Variants in AKAP11 observed in about 807,000 individuals in gnomAD.
AKAP11 encodes A-kinase anchoring protein 11, also known as A-kinase anchor protein 11.
Under a neutral mutation model 146.1 loss-of-function variants are expected in AKAP11, and 36 were observed. The ratio of observed to expected loss-of-function variants is 0.25; its 90% CI spans 0.19 to 0.33. The LOEUF (loss-of-function observed/expected upper bound fraction) is 0.33, where lower values mean the gene tolerates loss of function less well. AKAP11 is among the 10% of genes least tolerant of loss of function. The pLI, the probability that AKAP11 is intolerant of heterozygous loss-of-function variation, is 1.00. For synonymous variants in AKAP11, 780 were observed against 786.5 expected (o/e 0.99, Z 0.14); for missense variants, 2,201 against 2,197.0 (o/e 1.00, Z -0.04).
intron 1 of AKAP11, 100 bp downstream of exon 1, chr13:42,272,328 C>T (rs896766558): frequency 5.9e-5 from 9 of 152,236 alleles, no homozygotes; most frequent in African/African-American, 2.2e-4. Context: ...CTCCGGCGCT[C>T]CAGCCCCTCC....
Position 42,323,160 on chromosome 13 carries a change from T to TTGCAATTATTTGCAATTAATTGCAATTA in AKAP11, c.*3933_*3934insGCAATTATTTGCAATTAATTGCAATTAT, listed in dbSNP as rs577520981. The TTGCAATTATTTGCAATTAATTGCAATTA allele has an allele frequency of 5.2e-5, 8 of 152,920 alleles. No individual in the cohort carries two copies. The South Asian group carries it at 1.7e-3, about 32-fold the overall frequency. 9.5% of individuals were successfully genotyped at this position (152,920 alleles called of 1,614,324 possible). A position where few individuals can be genotyped will look rare whatever the true frequency, so the allele number is the denominator to read the frequency against. ...TGGCTCAAAAAATTTCAGAAATTAC[T>TTGCAATTATTTGCAATTAATTGCAATTA]TTTGTAATTATTTGCAATTAATTGT... On this transcript the variant is annotated 3_prime_UTR_variant, in exon 13 of 13. Coordinates refer to ENST00000025301, the MANE Select transcript of AKAP11 (RefSeq NM_016248.4).
Position 42,300,389 on chromosome 13 carries a change from A to T in AKAP11, c.1643A>T (p.Asp548Val), listed in dbSNP as rs745599656. 10 of 1,610,956 alleles carry T rather than the reference A, an allele frequency of 6.2e-6. No individual in the cohort carries two copies. In the Admixed American group the frequency reaches 1.3e-4, roughly 22 times the overall value. ...KSKNKSLMIK[D>V]SIQKFAADLV... ...AAAAATAAATCCTTAATGATTAAAG[A>T]TAGCATTCAAAAATTTGCAGCAGAT... is the stretch of plus-strand genomic sequence containing the variant. The change falls in exon 8 of 13, where the codon GAT becomes GTT. Residue 548 changes from aspartate (D) to valine (V), a missense_variant. Around this residue, in one of 3 missense-constraint regions of AKAP11, gnomAD observed 1,867 missense variants for 1,833.5 expected, o/e 1.02. Coordinates refer to ENST00000025301, the MANE Select transcript of AKAP11 (RefSeq NM_016248.4).
chr13:42,302,762 A>G lies in AKAP11; in HGVS notation c.4016A>G (p.Glu1339Gly), dbSNP rs1369492138. The change falls in exon 8 of 13, where the codon GAA becomes GGA. Residue 1339 changes from glutamate to glycine, a missense_variant. Glu to Gly is a moderately conservative substitution (Grantham distance 98, BLOSUM62 -2). Coordinates refer to ENST00000025301, the MANE Select transcript of AKAP11 (RefSeq NM_016248.4). ...CTGATGTATAAGTATCCCAGCTGTGAAAGTGTGACAGATGAATATGCAGGT... is the reference window on the plus strand; with the variant it reads ...CTGATGTATAAGTATCCCAGCTGTGGAAGTGTGACAGATGAATATGCAGGT... ...SGLMYKYPSCESVTDEYAGHL... is the reference protein window; with the variant it reads ...SGLMYKYPSCGSVTDEYAGHL... The G allele has an allele frequency of 1.2e-6, 2 of 1,614,072 alleles. No individual in the cohort carries two copies. The highest frequency in any genetic ancestry group is 8.5e-7 in the Non-Finnish European group (1 of 1,180,046).
chr13:42,288,672 GC>G (rs1455092342), intron 3 of AKAP11, among the ~76,000 whole-genome samples: 3 of 152,134 alleles, frequency 2.0e-5, no homozygotes, highest in Non-Finnish European at 4.4e-5. Context: ...AGTCTCTGTT[GC>G]CTTTGGCAGT....
rs778659595 is a variant in AKAP11, at chr13:42,302,878, TCAGGATTA to T, written c.4138_4145del (p.Leu1380SerfsTer3). The T allele has an allele frequency of 6.2e-7, 1 of 1,613,862 alleles. No individual in the cohort carries two copies. On this transcript the variant is annotated frameshift_variant, in exon 8 of 13. Coordinates refer to ENST00000025301, the MANE Select transcript of AKAP11 (RefSeq NM_016248.4). LOFTEE classifies it high-confidence loss of function. ...TAGGCTTGCCTACCGATCTGTTAAA[TCAGGATTA>T]CAGGAAGCAGCTAAGACAACCAAAG...
At position 42,276,675 on chromosome 13, in the gene AKAP11, A is replaced by G. The variant is rs238352; in HGVS notation, c.-100+4447A>G. Among the ~76,000 whole-genome samples the G allele has an allele frequency of 7.0e-3, 1,063 of 152,322 alleles. 12 individuals are homozygous for G. Among genetic ancestry groups the G allele is most frequent in the African/African-American group, 0.024 (1,016 of 41,566 alleles). On this transcript the variant is annotated intron_variant, in intron 1 of 12. Transcript: ENST00000025301. ...TTCAGCATCCCAGGCTTAAAACCTT[A>G]AAGTTATTTTTCACATTCTTCTTTT... is the stretch of plus-strand genomic sequence containing the variant.
In AKAP11 at chr13:42,300,963, T is replaced by G; in HGVS notation, c.2217T>G (p.Ala739=). Residue 739 remains alanine (A), a synonymous_variant, in exon 8 of 13, where the codon GCT becomes GCG. Transcript: ENST00000025301. ...SAESVVPSTQ[A]VTFSPSFHNQ... is the part of the protein sequence containing the mutation. Reference sequence around the variant, plus strand: ...AAAGTGTAGTGCCATCGACACAGGCTGTCACGTTTTCCCCTTCTTTTCACA... The same window carrying G: ...AAAGTGTAGTGCCATCGACACAGGCGGTCACGTTTTCCCCTTCTTTTCACA... 6.2e-7 allele frequency: 1 copy of G among 1,614,140 alleles called. No homozygotes were observed. Among genetic ancestry groups the G allele is most frequent in the Non-Finnish European group, 8.5e-7 (1 of 1,179,978 alleles).
chr13:42,275,266 T>C (rs1374881347), intron 1 of AKAP11, among the ~76,000 whole-genome samples: 1 of 152,224 alleles, frequency 6.6e-6, no homozygotes, highest in Non-Finnish European at 1.5e-5. Context: ...CCCAAAACTT[T>C]GATTTGCATG....
chr13:42,291,804 C>A (rs1382774955), intron 3 of AKAP11, among the ~76,000 whole-genome samples: 1 of 152,166 alleles, frequency 6.6e-6, no homozygotes, highest in Admixed American at 6.5e-5. Context: ...TCATTATTTT[C>A]TTTATGTAAC....
intron 5 of AKAP11, among the ~76,000 whole-genome samples, 155 bp downstream of exon 5, chr13:42,295,897 A>G (rs1284409850): frequency 1.3e-5 from 2 of 152,178 alleles, no homozygotes; most frequent in African/African-American, 4.8e-5. Flanking sequence ...TTGTTTGTTT[A>G]TTTTGATGGC....
rs76781853 is a variant in AKAP11, at chr13:42,294,005, A to G, written c.168+1504A>G. Among the ~76,000 whole-genome samples, 50 of 152,338 alleles carry G rather than the reference A, an allele frequency of 3.3e-4. 1 individual carries two copies. In the East Asian group the frequency reaches 9.3e-3, roughly 28 times the overall value. On this transcript the variant is annotated intron_variant, in intron 4 of 12. Coordinates refer to ENST00000025301, the MANE Select transcript of AKAP11 (RefSeq NM_016248.4). ...TGTATTGCCTTAAGTTTTACAGATA[A>G]GGAGACAGGCTCCTAGAGGTTAGCA...
chr13:42,302,371 C>G lies in AKAP11; in HGVS notation c.3625C>G (p.Leu1209Val). 1 of 1,614,128 alleles carries G rather than the reference C, an allele frequency of 6.2e-7. No individual in the cohort carries two copies. Among genetic ancestry groups the G allele is most frequent in the African/African-American group, 1.3e-5 (1 of 75,032 alleles). The change falls in exon 8 of 13, where the codon CTT becomes GTT. Residue 1209 changes from leucine to valine, a missense_variant. Physicochemically the swap from Leu to Val is conservative, Grantham distance 32. Transcript: ENST00000025301. The stretch of plus-strand genomic sequence containing the variant: ...AGCATTAGCTACACACATCCTTTCT[C>G]TTGCAACTGAAATGGCAGCTTCCCA... ...AEALATHILS[L>V]ATEMAASHLD...
At chr13:42,279,995 T>G (rs1357700040) in intron 1 of AKAP11, among the ~76,000 whole-genome samples, 4 of 152,208 alleles carry the variant, frequency 2.6e-5, no homozygotes, top group African/African-American at 9.7e-5. Flanking sequence ...ACCTGATACA[T>G]TACAAGGTTT....
rs1457416605 is a variant in AKAP11, at chr13:42,320,572, C to T, written c.*1344C>T. ...CCACCCCCCACTCTCTCTCATCTCT[C>T]GCTGTGTCCTGTGTATGTGTGGGTG... is the stretch of plus-strand genomic sequence containing the variant. On this transcript the variant is annotated 3_prime_UTR_variant, in exon 13 of 13. Transcript: ENST00000025301. 1 of 143,420 alleles carries T rather than the reference C, an allele frequency of 7.0e-6. No homozygotes were observed. Among genetic ancestry groups the T allele is most frequent in the Non-Finnish European group, 1.5e-5 (1 of 65,600 alleles). The allele number at this position is 143,420 out of a possible 1,614,324, so 8.9% of individuals were successfully genotyped here. A position where few individuals can be genotyped will look rare whatever the true frequency, so the allele number is the denominator to read the frequency against.
intron 1 of AKAP11, among the ~76,000 whole-genome samples, chr13:42,283,879 C>T (rs1363800389): frequency 1.3e-5 from 2 of 152,142 alleles, no homozygotes; most frequent in Non-Finnish European, 2.9e-5. Context: ...GCCATGGCGT[C>T]ATTGTGGGAA....
At position 42,302,927 on chromosome 13, in the gene AKAP11, G is replaced by T; in HGVS notation, c.4181G>T (p.Arg1394Ile). ...ACAACCAAAGTGCAGTGCAACTCAA[G>T]AATGTTCCCTGTGCCAAGTTCACAA... ...AKTTKVQCNS[R>I]MFPVPSSQVK... Residue 1394 changes from arginine (R) to isoleucine (I), a missense_variant, in exon 8 of 13, where the codon AGA becomes ATA. Transcript: ENST00000025301. The T allele has an allele frequency of 6.2e-7, 1 of 1,613,908 alleles. No individual in the cohort carries two copies. Among genetic ancestry groups the T allele is most frequent in the Non-Finnish European group, 8.5e-7 (1 of 1,180,006 alleles).
At chr13:42,306,030 AG>A (rs1462541296) in intron 8 of AKAP11, among the ~76,000 whole-genome samples, 1 of 152,140 alleles carries the variant, frequency 6.6e-6, no homozygotes, top group Non-Finnish European at 1.5e-5. Context: ...ACCTCCCACC[AG>A]GTCCCTCCCT....
chr13:42,286,471 A>G (rs1400509738), intron 3 of AKAP11, 72 bp downstream of exon 3: 30 of 1,117,132 alleles, frequency 2.7e-5, no homozygotes, highest in Non-Finnish European at 3.7e-5. Context: ...TAAGTCCTAC[A>G]GCTATGATGT....
intron 1 of AKAP11, 35 bp from the exon 2 acceptor site, chr13:42,285,951 T>C (rs1385091088): frequency 6.5e-6 from 1 of 153,266 alleles, no homozygotes; most frequent in African/African-American, 2.4e-5. Flanking sequence ...TAAGCTTCTA[T>C]TTTTAAAATG....
Sources: allele counts gnomAD v4.1 joint callset (sites outside exome capture counted in the v4.1 genomes callset), GRCh38; gene constraint gnomAD v4.1.1; regional missense constraint gnomAD v4.1.1; transcripts MANE v1.5; gene names NCBI Gene and HGNC (gene_info 2026-07-23, HGNC 2026-07-21).